The following MBD5 variants were observed in gnomAD, a reference collection of about 807,000 sequenced individuals.
MBD5 encodes methyl-CpG-binding domain protein 5.
A neutral mutation model predicts 117.3 loss-of-function variants in MBD5; 13 were observed. That is an observed-to-expected ratio of 0.11 (90% CI 0.07 to 0.18). The LOEUF (loss-of-function observed/expected upper bound fraction) is 0.18. MBD5 is among the 10% of genes least tolerant of loss of function. The probability of loss-of-function intolerance (pLI) is 1.00; values close to 1 mark genes in which losing one functional copy is unlikely to be tolerated. For missense variants in MBD5, 1,879 were observed against 2,093.8 expected (o/e 0.90, Z 2.00); for synonymous variants, 727 against 766.4 (o/e 0.95, Z 0.85).
At chr2:148,416,929 G>A (rs1355257199) in intron 4 of MBD5, among the ~76,000 whole-genome samples, 1 of 152,130 alleles carries the variant, frequency 6.6e-6, no homozygotes, top group Non-Finnish European at 1.5e-5. Flanking sequence ...TTCCATCCAA[G>A]TTTCTCCAAA....
chr2:148,404,630 C>T (rs1224421350), intron 4 of MBD5, among the ~76,000 whole-genome samples: 1 of 152,214 alleles, frequency 6.6e-6, no homozygotes, highest in African/African-American at 2.4e-5. Context: ...TCTCTCAAGA[C>T]AATAAGCTAG....
chr2:148,023,149 T>C (rs1693810675), intron 1 of MBD5, among the ~76,000 whole-genome samples: 2 of 150,940 alleles, frequency 1.3e-5, no homozygotes. Context: ...CAGCAAAAAA[T>C]ATTCTTCTGT....
At chr2:148,111,051 T>C (rs1042584010) in intron 1 of MBD5, among the ~76,000 whole-genome samples, 7 of 152,158 alleles carry the variant, frequency 4.6e-5, no homozygotes, top group African/African-American at 1.7e-4. Context: ...CTGTTTTCAA[T>C]TAGTTCATTA....
At chr2:148,403,120 C>T (rs988007935) in intron 4 of MBD5, among the ~76,000 whole-genome samples, 7 of 151,348 alleles carry the variant, frequency 4.6e-5, no homozygotes, top group Non-Finnish European at 1.0e-4. Context: ...TTAAAAATAG[C>T]TTTTATATCT....
At chr2:148,288,196 C>T (rs998758294) in intron 3 of MBD5, among the ~76,000 whole-genome samples, 7 of 145,124 alleles carry the variant, frequency 4.8e-5, no homozygotes, top group African/African-American at 1.8e-4. Context: ...GTCAGGAGAT[C>T]GAGACCATCC....
intron 1 of MBD5, among the ~76,000 whole-genome samples, chr2:148,118,336 A>C (rs1429982140): frequency 1.3e-5 from 2 of 152,152 alleles, no homozygotes; most frequent in African/African-American, 4.8e-5. Context: ...TTAGCCTGGC[A>C]CAGTGGCTCA....
At chr2:148,292,058 A>G (rs1042713081) in intron 3 of MBD5, among the ~76,000 whole-genome samples, 2 of 152,226 alleles carry the variant, frequency 1.3e-5, no homozygotes, top group African/African-American at 4.8e-5. Context: ...ATAAACAAAA[A>G]CCAAATCAAA....
At chr2:148,330,117 A>ACACACACACACACACACACT (rs1247250428) in intron 3 of MBD5, among the ~76,000 whole-genome samples, 4 of 133,526 alleles carry the variant, frequency 3.0e-5, no homozygotes, top group East Asian at 2.3e-4. Flanking sequence ...ACACACACAC[A>ACACACACACACACACACACT]CTCTACCTTA....
rs187013308 is a variant in MBD5, at chr2:148,207,180, A to G, written c.-830-26065A>G. The stretch of plus-strand genomic sequence containing the variant: ...TTGCTTCAGTGCTTTATTATGTGCT[A>G]TTGTCCAATCTGGTAAATGGGCTAG... On this transcript the variant is annotated intron_variant, in intron 2 of 13. Coordinates refer to ENST00000642680, the MANE Select transcript of MBD5 (RefSeq NM_001378120.1). 3.9e-5 allele frequency among the ~76,000 whole-genome samples: 6 copies of G among 152,298 alleles called. No homozygotes were observed. In the East Asian group the frequency reaches 1.2e-3, roughly 29 times the overall value.
chr2:148,511,776 A>G (rs942072977), intron 13 of MBD5, among the ~76,000 whole-genome samples: 2 of 152,248 alleles, frequency 1.3e-5, no homozygotes, highest in African/African-American at 4.8e-5. Flanking sequence ...GGAGAAGATT[A>G]GGAGGAATAG....
intron 4 of MBD5, among the ~76,000 whole-genome samples, chr2:148,429,175 A>G (rs1202858280): frequency 3.3e-5 from 5 of 152,302 alleles, no homozygotes; most frequent in Non-Finnish European, 5.9e-5. Flanking sequence ...CCCATCAAAA[A>G]GTGGGAGAAA....
At chr2:148,386,252 A>G (rs1704357346) in intron 4 of MBD5, among the ~76,000 whole-genome samples, 1 of 152,328 alleles carries the variant, frequency 6.6e-6, no homozygotes, top group African/African-American at 2.4e-5. Flanking sequence ...GAAAACATAC[A>G]TTCAGCCAAT....
rs563147551 is a variant in MBD5, at chr2:148,432,514, T to G, written c.-556-25689T>G. Among the ~76,000 whole-genome samples the G allele has an allele frequency of 2.0e-5, 3 of 152,302 alleles. No individual in the cohort carries two copies. The South Asian group carries it at 6.2e-4, about 32-fold the overall frequency. On this transcript the variant is annotated intron_variant, in intron 4 of 13. Coordinates refer to ENST00000642680, the MANE Select transcript of MBD5 (RefSeq NM_001378120.1). ...TTATAGTTTTAGGTTTTACATTAAGTCTTTCATCCATCTTGAGTTGATTTT... is the reference window on the plus strand; with the variant it reads ...TTATAGTTTTAGGTTTTACATTAAGGCTTTCATCCATCTTGAGTTGATTTT...
chr2:148,309,282 A>G (rs902679284), intron 3 of MBD5, among the ~76,000 whole-genome samples: 3 of 152,194 alleles, frequency 2.0e-5, no homozygotes, highest in Non-Finnish European at 2.9e-5. Flanking sequence ...CTTCCTATCC[A>G]TGAACGTGGA....
chr2:148,268,900 T>G (rs1049270382), intron 3 of MBD5, among the ~76,000 whole-genome samples: 10 of 152,078 alleles, frequency 6.6e-5, no homozygotes, highest in Non-Finnish European at 1.5e-5. Flanking sequence ...ATTTCTATTT[T>G]TATTTACTTA....
At chr2:148,146,470 C>G (rs1362795591) in intron 1 of MBD5, among the ~76,000 whole-genome samples, 7 of 152,022 alleles carry the variant, frequency 4.6e-5, no homozygotes, top group Admixed American at 2.6e-4. Flanking sequence ...CTCCTGGGCT[C>G]AAGTGACCCA....
At chr2:148,274,388 C>T (rs1221780160) in intron 3 of MBD5, among the ~76,000 whole-genome samples, 2 of 151,892 alleles carry the variant, frequency 1.3e-5, no homozygotes, top group African/African-American at 4.8e-5. Context: ...AGCCCCCCAC[C>T]CCATGACAGG....
At chr2:148,105,679 T>C (rs560365947) in intron 1 of MBD5, among the ~76,000 whole-genome samples, 1 of 152,268 alleles carries the variant, frequency 6.6e-6, no homozygotes, top group South Asian at 2.1e-4. Context: ...TATTTTTATT[T>C]TCTATATCAT....
At chr2:148,027,244 A>G (rs1424467689) in intron 1 of MBD5, 1 of 152,110 alleles carries the variant, frequency 6.6e-6, no homozygotes, top group Non-Finnish European at 1.5e-5. Flanking sequence ...TCTTTTTAGT[A>G]CTAAAGTCAG....
Sources: gnomAD v4.1 joint callset for allele counts (sites outside exome capture counted in the v4.1 genomes callset) on GRCh38, gnomAD v4.1.1 for gene constraint, MANE v1.5 for transcripts, NCBI Gene and HGNC (gene_info 2026-07-23, HGNC 2026-07-21) for gene names.